The following ENTPD7 variants were observed in gnomAD, a reference collection of about 807,000 sequenced individuals.
ENTPD7 encodes the protein NTPDase 7.
Under a neutral mutation model 77.9 loss-of-function variants are expected in ENTPD7, and 53 were observed. The observed-to-expected ratio is 0.68, with a 90% CI of 0.55 to 0.85. The LOEUF is 0.85. ENTPD7 is among the 40% of genes least tolerant of loss of function. The pLI is 0.00. For missense variants in ENTPD7, 636 were observed against 743.7 expected (o/e 0.86, Z 1.68); for synonymous variants, 248 against 274.9 (o/e 0.90, Z 0.97).
intron 3 of ENTPD7, among the ~76,000 whole-genome samples, chr10:99,666,466 C>T (rs1381688544): frequency 1.3e-5 from 2 of 152,184 alleles, no homozygotes; most frequent in African/African-American, 2.4e-5. Context: ...GCCTCGGCCT[C>T]TCAAAGTGCT....
chr10:99,687,762 A>G (rs181454951), intron 6 of ENTPD7, among the ~76,000 whole-genome samples: 1 of 152,250 alleles, frequency 6.6e-6, no homozygotes, highest in African/African-American at 2.4e-5. Context: ...TTTGCTCCCT[A>G]CTGTCTGTGA....
At chr10:99,675,572 G>T in intron 3 of ENTPD7, among the ~76,000 whole-genome samples, 1 of 142,450 alleles carries the variant, frequency 7.0e-6, no homozygotes, top group Admixed American at 7.3e-5. Flanking sequence ...GGGGTGGGGT[G>T]GGGTTTAGAT....
intron 5 of ENTPD7, among the ~76,000 whole-genome samples, chr10:99,681,267 A>ATTATTTATTTATTTATTTAT (rs34561300): frequency 6.7e-6 from 1 of 149,342 alleles, no homozygotes; most frequent in African/African-American, 2.5e-5. Flanking sequence ...TGACAGTTTG[A>ATTATTTATTTATTTATTTAT]TTATTTATTT....
At chr10:99,695,051 C>T (rs902488756) in intron 8 of ENTPD7, among the ~76,000 whole-genome samples, 1 of 151,982 alleles carries the variant, frequency 6.6e-6, no homozygotes, top group African/African-American at 2.4e-5. Context: ...ATAAATAAAG[C>T]AAAAGAGAGG....
chr10:99,696,378 G>A (rs1011241676), intron 9 of ENTPD7, among the ~76,000 whole-genome samples: 2 of 152,148 alleles, frequency 1.3e-5, no homozygotes, highest in African/African-American at 4.8e-5. Flanking sequence ...CCCATATTCA[G>A]ACCTAACATC....
At chr10:99,702,812 C>A in intron 12 of ENTPD7, 139 bp downstream of exon 12, 2 of 705,344 alleles carry the variant, frequency 2.8e-6, no homozygotes, top group Non-Finnish European at 4.2e-6. Flanking sequence ...CTCACAAAAA[C>A]AAACTCCTTT....
At position 99,700,851 on chromosome 10, in the gene ENTPD7, T is replaced by C. The variant is rs574458226; in HGVS notation, c.1336-122T>C. The C allele has an allele frequency of 2.0e-4, 157 of 782,680 alleles. 2 individuals carry two copies. The South Asian group carries it at 2.2e-3, about 11-fold the overall frequency. The allele number at this position is 782,680 out of a possible 1,614,324, so 48.5% of individuals were successfully genotyped here. ...GTTTAGTGAATGAACACACCATTTCTGTTTTCCTTTGTCAGCTGGTAGCCC... is the reference window on the plus strand; with the variant it reads ...GTTTAGTGAATGAACACACCATTTCCGTTTTCCTTTGTCAGCTGGTAGCCC... On this transcript the variant is annotated intron_variant, in intron 10 of 12. Coordinates refer to ENST00000370489, the MANE Select transcript of ENTPD7 (RefSeq NM_020354.5).
chr10:99,669,530 T>G, intron 3 of ENTPD7, among the ~76,000 whole-genome samples: 1 of 152,018 alleles, frequency 6.6e-6, no homozygotes. Flanking sequence ...AAACTAGAAT[T>G]TATTTGATAC....
intron 5 of ENTPD7, among the ~76,000 whole-genome samples, chr10:99,682,416 T>C (rs2035765085): frequency 6.6e-6 from 1 of 152,224 alleles, no homozygotes. Context: ...AGATTATTTA[T>C]ATAGCCATTT....
rs186449820 is a variant in ENTPD7 at position 99,672,808 on chromosome 10, T to C, written c.192-6453T>C. On this transcript the variant is annotated intron_variant, in intron 3 of 12. Transcript: ENST00000370489. ...GAGCTTTGAAGAGAGTTGAAGAGTA[T>C]GATGACATTCAGCAAAGAATTAGTA... Among the ~76,000 whole-genome samples, 359 of 152,314 alleles carry C rather than the reference T, an allele frequency of 2.4e-3. 1 individual carries two copies. Among genetic ancestry groups the C allele is most frequent in the South Asian group, 4.3e-3 (21 of 4,828 alleles).
intron 3 of ENTPD7, 35 bp from the exon 4 acceptor site, chr10:99,679,226 T>G (rs765787863): frequency 6.2e-7 from 1 of 1,604,880 alleles, no homozygotes; most frequent in East Asian, 2.2e-5. Flanking sequence ...TGGACCTGAC[T>G]GCTTAGCACT....
At chr10:99,669,789 G>C (rs529934076) in intron 3 of ENTPD7, among the ~76,000 whole-genome samples, 2 of 112,946 alleles carry the variant, frequency 1.8e-5, no homozygotes, top group Non-Finnish European at 3.3e-5. Context: ...TTGCTCTGTC[G>C]TCCAGGCTGG....
chr10:99,662,770 C>T (rs2035502274), intron 3 of ENTPD7, among the ~76,000 whole-genome samples: 2 of 152,188 alleles, frequency 1.3e-5, no homozygotes, highest in Admixed American at 1.3e-4. Context: ...ACAGATAGAT[C>T]TCCATACTGT....
At chr10:99,677,219 A>G (rs1468388272) in intron 3 of ENTPD7, among the ~76,000 whole-genome samples, 1 of 152,060 alleles carries the variant, frequency 6.6e-6, no homozygotes, top group South Asian at 2.1e-4. Flanking sequence ...TGTAATGCTG[A>G]ATCTTGTTTT....
rs1419456024 is a variant in ENTPD7, at chr10:99,705,329, A to G, written c.*646A>G. ...TTTTAAAGGTTAGAACCCCTTCTAA[A>G]TGAATGGTCTGTGGAAGATTTTAGT... On this transcript the variant is annotated 3_prime_UTR_variant, in exon 13 of 13. Transcript: ENST00000370489. The G allele has an allele frequency of 2.0e-5, 3 of 153,064 alleles. No individual in the cohort carries two copies. The highest frequency in any genetic ancestry group is 4.4e-5 in the Non-Finnish European group (3 of 68,346). 9.5% of individuals were successfully genotyped at this position (153,064 alleles called of 1,614,324 possible). A position where few individuals can be genotyped will look rare whatever the true frequency, so the allele number is the denominator to read the frequency against.
In ENTPD7 at chr10:99,679,740, C is replaced by T; in HGVS notation, c.413C>T (p.Ala138Val). The change falls in exon 5 of 13, where the codon GCA (alanine) becomes GTA (valine). Residue 138 changes from alanine to valine, a missense_variant. Around this residue, in one of 3 missense-constraint regions of ENTPD7, gnomAD observed 486 missense variants for 556.5 expected, o/e 0.87. Transcript: ENST00000370489. ...KKIKPGISAMADTPEHASDYL... is the reference protein window; with the variant it reads ...KKIKPGISAMVDTPEHASDYL... ...TTAACTTAAGGAATCTCTGCAATGG[C>T]AGACACTCCAGAACATGCCAGTGAT... 1 of 1,608,982 alleles carries T rather than the reference C, an allele frequency of 6.2e-7. No homozygotes were observed. The highest frequency in any genetic ancestry group is 8.5e-7 in the Non-Finnish European group (1 of 1,178,634).
intron 8 of ENTPD7, among the ~76,000 whole-genome samples, chr10:99,694,204 C>T (rs1331997672): frequency 1.3e-5 from 2 of 152,208 alleles, no homozygotes; most frequent in African/African-American, 4.8e-5. Flanking sequence ...TCTCTCCTCT[C>T]CCTACCCCTG....
chr10:99,681,584 T>C (rs746056909), intron 5 of ENTPD7, among the ~76,000 whole-genome samples: 1 of 152,158 alleles, frequency 6.6e-6, no homozygotes, highest in Non-Finnish European at 1.5e-5. Context: ...ACCCGGCCTA[T>C]ATTTTTAATT....
rs557887408 is a variant in ENTPD7, at chr10:99,708,193, A to G, written c.*3510A>G. ...CCTCCTCATCCTAAGAGATTCCTTT[A>G]ACTTCAAGATCATATCCAGTGATTG... On this transcript the variant is annotated 3_prime_UTR_variant, in exon 13 of 13. Transcript: ENST00000370489. 1.7e-4 allele frequency among the ~76,000 whole-genome samples: 26 copies of G among 151,408 alleles called. No homozygotes were observed. The South Asian group carries it at 1.9e-3, about 11-fold the overall frequency.
Sources: gnomAD v4.1 joint callset for allele counts (sites outside exome capture counted in the v4.1 genomes callset) on GRCh38, gnomAD v4.1.1 for gene constraint, gnomAD v4.1.1 regional missense constraint, MANE v1.5 for transcripts, NCBI Gene and HGNC (gene_info 2026-07-23, HGNC 2026-07-21) for gene names.